LFNG: variants seen among roughly 807,000 people sequenced by gnomAD.
LFNG encodes the protein beta-1,3-N-acetylglucosaminyltransferase lunatic fringe.
A neutral mutation model predicts 32.7 loss-of-function variants in LFNG; 15 were observed. That is an observed-to-expected ratio of 0.46 (90% confidence interval 0.31 to 0.71). The LOEUF is 0.71. Among genes scored for constraint, LFNG ranks in the 30% least tolerant of loss-of-function variants. LFNG has a pLI of 0.06. For synonymous variants in LFNG, 274 were observed against 246.8 expected, an observed-to-expected ratio of 1.11 and a Z score of -1.03; for missense variants, 520 against 545.7, an observed-to-expected ratio of 0.95 and a Z score of 0.47.
upstream of LFNG, among the ~76,000 whole-genome samples, chr7:2,515,747 G>C (rs548456995): frequency 6.6e-6 from 1 of 152,364 alleles, no homozygotes; most frequent in African/African-American, 2.4e-5. Flanking sequence ...CCACAGAAGG[G>C]CACTGGCCCA....
intron 1 of LFNG, among the ~76,000 whole-genome samples, chr7:2,523,105 A>G (rs1428841552): frequency 6.6e-6 from 1 of 152,180 alleles, no homozygotes; most frequent in South Asian, 2.1e-4. Context: ...GGCACCACCA[A>G]ATCTCGGGAG....
In LFNG at chr7:2,526,470, CGA is replaced by C; in HGVS notation, c.987+65_987+66del. ...AGCACAGGAAGGGACGTGTGGCTGCCGAGAGGGGCGCAGTGGGGTGGGGCACT... is the reference window on the plus strand; with the variant it reads ...AGCACAGGAAGGGACGTGTGGCTGCCGAGGGGCGCAGTGGGGTGGGGCACT... On this transcript the variant is annotated intron_variant, in intron 6 of 7. Transcript: ENST00000222725. This position sits in a 1 kb window ranked among gnomAD's most constrained non-coding sequence, Gnocchi z 6.9. The C allele has an allele frequency of 1.9e-6, 3 of 1,572,332 alleles. No homozygotes were observed. The highest frequency in any genetic ancestry group is 2.6e-6 in the Non-Finnish European group (3 of 1,156,710).
chr7:2,523,240 A>T (rs62444249), intron 1 of LFNG, among the ~76,000 whole-genome samples: 6,304 of 152,240 alleles, frequency 0.041, 274 homozygotes, highest in African/African-American at 0.11. Flanking sequence ...TGGGGAGGCC[A>T]AGGGGCTGGG....
Position 2,526,220 on chromosome 7 carries a change from G to A in LFNG, c.822-24G>A. On this transcript the variant is annotated intron_variant, in intron 5 of 7. Coordinates refer to ENST00000222725, the MANE Select transcript of LFNG (RefSeq NM_001040167.2). The surrounding 1 kb of genome is among the most constrained non-coding windows in gnomAD (Gnocchi z 6.9). ...CAGATGGCTCCCGCCTCTGCTCACT[G>A]GTCTGGGCCCTTCCCTCCCGCAGCG... 6.2e-7 allele frequency: 1 copy of A among 1,612,088 alleles called. No homozygotes were observed. Among genetic ancestry groups the A allele is most frequent in the Non-Finnish European group, 8.5e-7 (1 of 1,179,900 alleles).
Position 2,524,733 on chromosome 7 carries a change from C to T in LFNG, c.471C>T (p.Ala157=). 6.3e-7 allele frequency: 1 copy of T among 1,590,012 alleles called. No individual in the cohort carries two copies. Among genetic ancestry groups the T allele is most frequent in the Non-Finnish European group, 8.6e-7 (1 of 1,168,396 alleles). Residue 157 remains alanine (A), a synonymous_variant, in exon 2 of 8, where the codon GCC becomes GCT. Coordinates refer to ENST00000222725, the MANE Select transcript of LFNG (RefSeq NM_001040167.2). The part of the protein sequence containing the change: ...IFTDGEDEAL[A]RHTGNVVITN... ...CTGACGGGGAAGATGAGGCCCTGGCCAGGCACACGGGTGAGCCCTGGACTT... is the reference window on the plus strand; with the variant it reads ...CTGACGGGGAAGATGAGGCCCTGGCTAGGCACACGGGTGAGCCCTGGACTT...
At chr7:2,515,019 T>TATCC (rs148072518), upstream of LFNG, among the ~76,000 whole-genome samples, 59 of 126,262 alleles carry the variant, frequency 4.7e-4, no homozygotes, top group East Asian at 1.8e-3. Context: ...TTCATCTGTC[T>TATCC]ATCCATCCAT....
chr7:2,523,558 G>A (rs1003276783), intron 1 of LFNG: 13 of 152,230 alleles, frequency 8.5e-5, no homozygotes, highest in Non-Finnish European at 1.5e-4. Flanking sequence ...TGCGCCGGGC[G>A]GCACGCGCTG....
chr7:2,516,261 G>A (rs1779624750), upstream of LFNG, among the ~76,000 whole-genome samples: 2 of 152,234 alleles, frequency 1.3e-5, no homozygotes, highest in Admixed American at 1.3e-4. Flanking sequence ...ACTGAGTGGG[G>A]CCGCTCTCCA....
chr7:2,513,926 GTGGACAA>G (rs1779550011), upstream of LFNG, among the ~76,000 whole-genome samples: 1 of 152,268 alleles, frequency 6.6e-6, no homozygotes, highest in Admixed American at 6.5e-5. Flanking sequence ...TCCTCCTGGT[GTGGACAA>G]GCCCTGGCCT....
At chr7:2,518,600 T>C (rs1233584947), upstream of LFNG, 7 of 1,611,546 alleles carry the variant, frequency 4.3e-6, no homozygotes, top group Admixed American at 1.2e-4. Flanking sequence ...CAGGTAGAGG[T>C]AAGGAGAGGG....
At chr7:2,524,557 C>G (rs1165269665) in intron 1 of LFNG, 138 bp from the exon 2 acceptor site, 1 of 822,204 alleles carries the variant, frequency 1.2e-6, no homozygotes. Flanking sequence ...GTGGGGAAAC[C>G]AAGGCCCGGA....
intron 5 of LFNG, among the ~76,000 whole-genome samples, 176 bp downstream of exon 5, chr7:2,525,946 G>A (rs1415545094): frequency 1.3e-5 from 2 of 152,210 alleles, no homozygotes; most frequent in Non-Finnish European, 2.9e-5. Context: ...GTTTACGGCG[G>A]CTGCCCCCAA....
upstream of LFNG, chr7:2,513,282 G>A (rs1210660702): frequency 2.5e-6 from 4 of 1,589,482 alleles, no homozygotes; most frequent in East Asian, 4.6e-5. Flanking sequence ...GATGAGTGGA[G>A]CCCAACACCA....
chr7:2,512,759 C>A, intron 1 of LFNG: 2 of 1,534,012 alleles, frequency 1.3e-6, no homozygotes, highest in South Asian at 1.1e-5. Flanking sequence ...CCCTCTTGCT[C>A]GTGAACCTGG....
At chr7:2,514,898 CCATT>C (rs201924275), upstream of LFNG, among the ~76,000 whole-genome samples, 1 of 151,932 alleles carries the variant, frequency 6.6e-6, no homozygotes, top group Non-Finnish European at 1.5e-5. Flanking sequence ...ATCCATCCAT[CCATT>C]CGTCTGTCTG....
upstream of LFNG, among the ~76,000 whole-genome samples, chr7:2,514,708 A>G (rs1779570721): frequency 7.4e-6 from 1 of 135,526 alleles, no homozygotes; most frequent in Admixed American, 7.3e-5. Context: ...ACATCCATCT[A>G]TCCATCTGTC....
At chr7:2,525,387 C>A (rs1392238026) in intron 3 of LFNG, 27 bp from the exon 4 acceptor site, 3 of 1,612,634 alleles carry the variant, frequency 1.9e-6, no homozygotes, top group South Asian at 2.2e-5. Context: ...GGCATGCCCT[C>A]CCCCGATGGC....
intron 2 of LFNG, 65 bp from the exon 3 acceptor site, chr7:2,525,154 C>T (rs1040977769): frequency 5.3e-5 from 76 of 1,431,810 alleles, no homozygotes; most frequent in Non-Finnish European, 5.9e-6. Flanking sequence ...CTGTGGCGTC[C>T]CCCAGGCCAG....
Position 2,520,022 on chromosome 7 carries a change from C to A in LFNG, c.161C>A (p.Ala54Glu), listed in dbSNP as rs931378457. 18 of 1,008,364 alleles carry A rather than the reference C, an allele frequency of 1.8e-5. No homozygotes were observed. The African/African-American group carries it at 3.2e-4, about 18-fold the overall frequency. The allele number at this position is 1,008,364 out of a possible 1,614,324, so 62.5% of individuals were successfully genotyped here. The part of the protein sequence containing the change: ...SLAGPAGAAP[A>E]PGLGAAAAAP... ...GCGGGCCCCGCGGGGGCTGCCCCGG[C>A]GCCCGGGCTGGGGGCGGCGGCGGCG... The change falls in exon 1 of 8, where the codon GCG (alanine) becomes GAG (glutamate). Residue 54 changes from alanine (A) to glutamate (E), a missense_variant. Ala to Glu is a moderately radical substitution (Grantham distance 107, BLOSUM62 -1). Coordinates refer to ENST00000222725, the MANE Select transcript of LFNG (RefSeq NM_001040167.2). This position sits in a 1 kb window ranked among gnomAD's most constrained non-coding sequence, Gnocchi z 5.0.
Sources: allele counts gnomAD v4.1 joint callset (sites outside exome capture counted in the v4.1 genomes callset), GRCh38; gene constraint gnomAD v4.1.1; non-coding constraint Gnocchi (gnomAD v3.1); transcripts MANE v1.5; gene names NCBI Gene and HGNC (gene_info 2026-07-23, HGNC 2026-07-21).